Variants in DIAPH2 observed in about 807,000 individuals in gnomAD.
DIAPH2 encodes the protein diaphanous related formin 2.
Under a neutral mutation model 92.7 loss-of-function variants are expected in DIAPH2, and 35 were observed. The observed-to-expected ratio is 0.38, with a 90% confidence interval of 0.29 to 0.50. The LOEUF (loss-of-function observed/expected upper bound fraction) is 0.50. DIAPH2 is among the 20% of genes least tolerant of loss of function. The pLI is 0.94. For missense variants in DIAPH2, 701 were observed against 819.5 expected (o/e 0.86, Z 1.77); for synonymous variants, 301 against 280.4 (o/e 1.07, Z -0.73).
At chrX:96,810,339 T>C (rs888072328) in intron 4 of DIAPH2, among the ~76,000 whole-genome samples, 10 of 112,356 alleles carry the variant, frequency 8.9e-5, no homozygotes, top group African/African-American at 3.2e-4. Context: ...TCTGTTCATA[T>C]CTTTCACCCA....
Position 97,579,199 on chromosome X carries a change from T to G in DIAPH2, c.3242-20054T>G, listed in dbSNP as rs1226798052. Among the ~76,000 whole-genome samples, 15 of 109,073 alleles carry G rather than the reference T, an allele frequency of 1.4e-4. 1 individual carries two copies. Among genetic ancestry groups the G allele is most frequent in the Middle Eastern group, 4.8e-3 (1 of 210 alleles). The allele number at this position is 109,073 out of a possible 115,157, so 94.7% of individuals were successfully genotyped here. On this transcript the variant is annotated intron_variant, in intron 26 of 26. Transcript: ENST00000324765. ...AATTAGATGCCATTTGTCAATTTTG[T>G]CTTTTGTTGCCATTGCTTTTGGTGT...
chrX:97,234,059 C>A (rs2068027940), intron 22 of DIAPH2, among the ~76,000 whole-genome samples: 1 of 109,941 alleles, frequency 9.1e-6, no homozygotes, highest in South Asian at 3.9e-4. Context: ...CACAGTGGCT[C>A]ACGCCTGTAA....
At chrX:97,222,820 T>TTTGTG (rs1397111906) in intron 22 of DIAPH2, among the ~76,000 whole-genome samples, 2 of 111,120 alleles carry the variant, frequency 1.8e-5, no homozygotes, top group East Asian at 5.6e-4. Flanking sequence ...TGGTTTTTGT[T>TTTGTG]TTGTGTTTTA....
intron 4 of DIAPH2, among the ~76,000 whole-genome samples, chrX:96,848,526 G>C (rs1049359958): frequency 1.8e-5 from 2 of 112,006 alleles, no homozygotes; most frequent in African/African-American, 6.5e-5. Flanking sequence ...TATTTGACCT[G>C]GAACTATAGT....
intron 5 of DIAPH2, among the ~76,000 whole-genome samples, chrX:96,897,122 T>C (rs918240687): frequency 9.0e-6 from 1 of 111,678 alleles, no homozygotes; most frequent in Non-Finnish European, 1.9e-5. Context: ...CTGTAGTTAA[T>C]ACCAATATAT....
intron 4 of DIAPH2, among the ~76,000 whole-genome samples, chrX:96,779,485 T>C (rs1033672059): frequency 5.3e-5 from 6 of 112,320 alleles, no homozygotes; most frequent in African/African-American, 9.7e-5. Context: ...TCTGATGTGA[T>C]ACATTTATTC....
intron 1 of DIAPH2, among the ~76,000 whole-genome samples, chrX:96,686,912 A>C (rs1281330824): frequency 9.0e-6 from 1 of 111,491 alleles, no homozygotes; most frequent in Non-Finnish European, 1.9e-5. Flanking sequence ...CTAGTCCTTA[A>C]TTTGTGTGTG....
chrX:97,300,672 C>A (rs2068686547), intron 23 of DIAPH2, among the ~76,000 whole-genome samples: 4 of 101,193 alleles, frequency 4.0e-5, no homozygotes, highest in South Asian at 9.3e-4. Context: ...GTGGCTCACG[C>A]CTGTAATCCC....
chrX:97,482,660 GAAA>G (rs397932731), intron 26 of DIAPH2, among the ~76,000 whole-genome samples: 1 of 85,544 alleles, frequency 1.2e-5, no homozygotes, highest in African/African-American at 4.2e-5. Flanking sequence ...GGACCAAAAA[GAAA>G]AAAAAAAAAA....
At chrX:96,864,824 T>C (rs750293020) in intron 4 of DIAPH2, among the ~76,000 whole-genome samples, 3 of 112,117 alleles carry the variant, frequency 2.7e-5, no homozygotes, top group East Asian at 5.6e-4. Flanking sequence ...TCAGATGCCC[T>C]AGGCTTTATT....
chrX:96,735,259 T>C (rs1285266137), intron 1 of DIAPH2, among the ~76,000 whole-genome samples: 1 of 112,223 alleles, frequency 8.9e-6, no homozygotes, highest in Non-Finnish European at 1.9e-5. Flanking sequence ...AGTTCAATTT[T>C]ATTTAGCATA....
chrX:96,908,784 AGAG>A (rs1398850212), intron 5 of DIAPH2, among the ~76,000 whole-genome samples: 1 of 111,204 alleles, frequency 9.0e-6, no homozygotes, highest in African/African-American at 3.3e-5. Flanking sequence ...TATTTTTAGT[AGAG>A]TCAGGGTTTC....
chrX:97,081,160 A>G (rs2066741146), intron 19 of DIAPH2, among the ~76,000 whole-genome samples: 1 of 112,130 alleles, frequency 8.9e-6, no homozygotes, highest in East Asian at 2.8e-4. Context: ...ATTTCTCATC[A>G]TGGTGGAATA....
chrX:97,038,648 A>G (rs2068237828), intron 17 of DIAPH2, among the ~76,000 whole-genome samples: 1 of 108,113 alleles, frequency 9.2e-6, no homozygotes. Context: ...AATAATGGCC[A>G]TTCTGACTGG....
intron 17 of DIAPH2, among the ~76,000 whole-genome samples, chrX:96,968,514 T>C (rs1014233648): frequency 8.9e-6 from 1 of 112,003 alleles, no homozygotes; most frequent in Non-Finnish European, 1.9e-5. Flanking sequence ...CCACCATGCC[T>C]GGCCCATATG....
At chrX:97,540,333 G>A (rs762038209) in intron 26 of DIAPH2, among the ~76,000 whole-genome samples, 1 of 111,543 alleles carries the variant, frequency 9.0e-6, no homozygotes, top group East Asian at 2.8e-4. Flanking sequence ...CCCCATGCAC[G>A]TGCTCATGTG....
At chrX:96,988,074 C>A (rs1030315106) in intron 17 of DIAPH2, among the ~76,000 whole-genome samples, 1 of 109,436 alleles carries the variant, frequency 9.1e-6, no homozygotes, top group African/African-American at 3.3e-5. Context: ...TCTATACATT[C>A]TTATATTTAG....
intron 4 of DIAPH2, among the ~76,000 whole-genome samples, chrX:96,871,131 C>G (rs972440794): frequency 9.0e-6 from 1 of 111,675 alleles, no homozygotes; most frequent in Non-Finnish European, 1.9e-5. Flanking sequence ...AAATCCTGCC[C>G]ATTTTTTAAA....
chrX:96,931,814 G>A (rs1042474679), intron 10 of DIAPH2, among the ~76,000 whole-genome samples: 2 of 110,870 alleles, frequency 1.8e-5, no homozygotes, highest in Admixed American at 1.9e-4. Flanking sequence ...TGTGTGATTG[G>A]ACCTGTTAAA....
Sources: allele counts gnomAD v4.1 joint callset (sites outside exome capture counted in the v4.1 genomes callset), GRCh38; gene constraint gnomAD v4.1.1; transcripts MANE v1.5; gene names NCBI Gene and HGNC (gene_info 2026-07-23, HGNC 2026-07-21).